Variants in GABRG3 observed in about 807,000 individuals in gnomAD.
GABRG3 encodes the protein gamma-aminobutyric acid type A receptor subunit gamma3.
In GABRG3, 25 loss-of-function variants were observed where a neutral mutation model predicts 48.8. That is an observed-to-expected ratio of 0.51 (90% CI 0.37 to 0.72). The LOEUF (loss-of-function observed/expected upper bound fraction) is 0.72. Ranked by LOEUF, GABRG3 falls within the 30% of genes least tolerant of loss-of-function variation. The probability of loss-of-function intolerance (pLI) is 0.00; values close to 1 mark genes in which losing one functional copy is unlikely to be tolerated. For synonymous variants in GABRG3, 227 were observed against 217.6 expected, an observed-to-expected ratio of 1.04 and a Z score of -0.38; for missense variants, 394 against 577.9, an observed-to-expected ratio of 0.68 and a Z score of 3.26.
chr15:27,322,276 T>A (rs1893453582), intron 3 of GABRG3, among the ~76,000 whole-genome samples: 1 of 152,188 alleles, frequency 6.6e-6, no homozygotes, highest in African/African-American at 2.4e-5. Context: ...CATGGCAAGA[T>A]TTCAGAACGA....
intron 5 of GABRG3, among the ~76,000 whole-genome samples, chr15:27,423,688 G>C (rs1595745476): frequency 7.3e-6 from 1 of 136,234 alleles, no homozygotes; most frequent in African/African-American, 2.8e-5. Context: ...TGGGACTACA[G>C]TCTTGCACCA....
At chr15:27,294,223 CTTTTTTTT>C (rs1162063750) in intron 3 of GABRG3, among the ~76,000 whole-genome samples, 1 of 129,296 alleles carries the variant, frequency 7.7e-6, no homozygotes, top group Non-Finnish European at 1.6e-5. Flanking sequence ...TTTCTTTTTC[CTTTTTTTT>C]TTTTTTTTTT....
intron 3 of GABRG3, among the ~76,000 whole-genome samples, chr15:27,107,756 T>C (rs1897476442): frequency 1.3e-5 from 2 of 152,118 alleles, no homozygotes; most frequent in South Asian, 4.1e-4. Context: ...CTATTTCCCA[T>C]TGAGTGAGTT....
rs1887870397 is a variant in GABRG3 at position 27,179,879 on chromosome 15, AGCTGAAT to A, written c.271-146928_271-146922del. On this transcript the variant is annotated intron_variant, in intron 3 of 9. Transcript: ENST00000615808. This position sits in a 1 kb window ranked among gnomAD's most constrained non-coding sequence, Gnocchi z 4.0. Reference sequence around the variant, plus strand: ...TCTTAGGCCTTGTGTGCATAAAATAAGCTGAATGTTTGTGCCCTGTTACCAGATTGTT... The same window carrying A: ...TCTTAGGCCTTGTGTGCATAAAATAAGTTTGTGCCCTGTTACCAGATTGTT... Among the ~76,000 whole-genome samples the A allele has an allele frequency of 6.6e-6, 1 of 152,208 alleles. No homozygotes were observed.
intron 5 of GABRG3, among the ~76,000 whole-genome samples, chr15:27,367,807 G>T: frequency 6.6e-6 from 1 of 152,122 alleles, no homozygotes; most frequent in East Asian, 1.9e-4. Flanking sequence ...AACCTTGATA[G>T]CTGCCCCAGT....
intron 5 of GABRG3, among the ~76,000 whole-genome samples, chr15:27,414,736 A>G (rs568708220): frequency 1.4e-4 from 22 of 152,282 alleles, no homozygotes; most frequent in African/African-American, 5.3e-4. Context: ...GAGACTCTGA[A>G]CATCTACTGT....
intron 5 of GABRG3, among the ~76,000 whole-genome samples, chr15:27,367,525 C>A (rs1398307665): frequency 6.6e-6 from 1 of 152,110 alleles, no homozygotes; most frequent in African/African-American, 2.4e-5. Context: ...TACAATTTTA[C>A]AATTCTCTTT....
At chr15:27,318,747 A>G (rs1893318874) in intron 3 of GABRG3, among the ~76,000 whole-genome samples, 1 of 152,124 alleles carries the variant, frequency 6.6e-6, no homozygotes, top group Admixed American at 6.6e-5. Context: ...AATGGGGGCT[A>G]GTACTAAGGG....
intron 3 of GABRG3, among the ~76,000 whole-genome samples, chr15:27,308,917 T>C (rs1380168529): frequency 1.3e-5 from 2 of 148,684 alleles, no homozygotes; most frequent in Non-Finnish European, 3.0e-5. Context: ...AATGTAAACA[T>C]ATGTTTATAT....
Position 27,533,209 on chromosome 15 carries a change from T to C in GABRG3, c.*328T>C, listed in dbSNP as rs1289401551. 7.2e-6 allele frequency: 2 copies of C among 278,964 alleles called. No homozygotes were observed. Among genetic ancestry groups the C allele is most frequent in the East Asian group, 9.1e-5 (1 of 10,950 alleles). The allele number at this position is 278,964 out of a possible 1,614,324, so 17.3% of individuals were successfully genotyped here. A position where few individuals can be genotyped will look rare whatever the true frequency, so the allele number is the denominator to read the frequency against. On this transcript the variant is annotated 3_prime_UTR_variant, in exon 10 of 10. Coordinates refer to ENST00000615808, the MANE Select transcript of GABRG3 (RefSeq NM_033223.5). Reference sequence around the variant, plus strand: ...TACCCTTGCAAAGAAATCTGTAAAATGTGCACGTGAATGTCTGAGATGCTC... The same window carrying C: ...TACCCTTGCAAAGAAATCTGTAAAACGTGCACGTGAATGTCTGAGATGCTC...
chr15:27,294,588 C>T (rs984912906), intron 3 of GABRG3, among the ~76,000 whole-genome samples: 3 of 152,062 alleles, frequency 2.0e-5, no homozygotes, highest in African/African-American at 7.2e-5. Context: ...GTGGTTCTTA[C>T]GGGGTTGTCT....
intron 3 of GABRG3, among the ~76,000 whole-genome samples, chr15:27,181,964 CTA>C (rs924179665): frequency 6.7e-6 from 1 of 149,404 alleles, no homozygotes; most frequent in African/African-American, 2.4e-5. Flanking sequence ...ATAATTTCTA[CTA>C]TGATATGCTA....
intron 3 of GABRG3, among the ~76,000 whole-genome samples, chr15:27,030,813 C>T (rs183252723): frequency 1.3e-5 from 2 of 152,136 alleles, no homozygotes; most frequent in South Asian, 2.1e-4. Flanking sequence ...CATCTTAGAG[C>T]AAGGTTCTGA....
intron 3 of GABRG3, among the ~76,000 whole-genome samples, chr15:27,215,328 C>G (rs1889212972): frequency 6.6e-6 from 1 of 152,136 alleles, no homozygotes; most frequent in South Asian, 2.1e-4. Flanking sequence ...CTTTGCTGCC[C>G]TCAAAAACAT....
chr15:27,525,446 T>C (rs1429016332), intron 7 of GABRG3, among the ~76,000 whole-genome samples: 1 of 152,154 alleles, frequency 6.6e-6, no homozygotes, highest in Non-Finnish European at 1.5e-5. Context: ...CAGAGCACTC[T>C]TCTTTACTAG....
At chr15:27,501,757 C>A (rs568919782) in intron 6 of GABRG3, among the ~76,000 whole-genome samples, 1 of 152,120 alleles carries the variant, frequency 6.6e-6, no homozygotes, top group Admixed American at 6.5e-5. Flanking sequence ...AGTTCTGTCT[C>A]GTTTGGTTGT....
chr15:27,274,701 G>GC (rs1271971322), intron 3 of GABRG3, among the ~76,000 whole-genome samples: 1 of 152,102 alleles, frequency 6.6e-6, no homozygotes, highest in Admixed American at 6.6e-5. Context: ...CCTCCATGGA[G>GC]CACTTCTACC....
At chr15:27,126,450 T>G (rs117379055) in intron 3 of GABRG3, among the ~76,000 whole-genome samples, 6,045 of 152,214 alleles carry the variant, frequency 0.04, 172 homozygotes, top group Middle Eastern at 0.061. Context: ...TCAGAGTGCT[T>G]CCAGGCCTCT....
rs1295757571 is a variant in GABRG3 at position 27,535,411 on chromosome 15, A to T, written c.*2530A>T. The T allele has an allele frequency of 1.3e-5, 2 of 152,214 alleles. No homozygotes were observed. Among genetic ancestry groups the T allele is most frequent in the African/African-American group, 4.8e-5 (2 of 41,450 alleles). 9.4% of individuals were successfully genotyped at this position (152,214 alleles called of 1,614,324 possible). A position where few individuals can be genotyped will look rare whatever the true frequency, so the allele number is the denominator to read the frequency against. ...GTTAGCAACCCTCCTGAAATTTTAC[A>T]TGTAGGATAAATACACCAATAACCT... On this transcript the variant is annotated 3_prime_UTR_variant, in exon 10 of 10. Transcript: ENST00000615808.
Sources: gnomAD v4.1 joint callset for allele counts (sites outside exome capture counted in the v4.1 genomes callset) on GRCh38, gnomAD v4.1.1 for gene constraint, Gnocchi (gnomAD v3.1) non-coding constraint, MANE v1.5 for transcripts, NCBI Gene and HGNC (gene_info 2026-07-23, HGNC 2026-07-21) for gene names.